The following SYNRG variants were observed in gnomAD, a reference collection of about 807,000 sequenced individuals.
SYNRG encodes the protein AP1 gamma subunit binding protein 1.
A neutral mutation model predicts 130.9 loss-of-function variants in SYNRG; 37 were observed. The observed-to-expected ratio is 0.28, with a 90% CI of 0.22 to 0.37. The LOEUF is 0.37. Ranked by LOEUF, SYNRG falls within the 10% of genes least tolerant of loss-of-function variation. SYNRG has a pLI of 1.00. For missense variants in SYNRG, 1,338 were observed against 1,588.9 expected, an observed-to-expected ratio of 0.84 and a Z score of 2.68; for synonymous variants, 539 against 568.1, an observed-to-expected ratio of 0.95 and a Z score of 0.73.
At chr17:37,520,048 G>T (rs1222415890) in intron 21 of SYNRG, 131 bp downstream of exon 21, 3 of 992,794 alleles carry the variant, frequency 3.0e-6, no homozygotes, top group South Asian at 1.4e-5. Flanking sequence ...AACATTATGG[G>T]AACAAAACTG....
At chr17:37,586,265 A>G (rs1329391437) in intron 4 of SYNRG, among the ~76,000 whole-genome samples, 154 bp downstream of exon 4, 1 of 152,228 alleles carries the variant, frequency 6.6e-6, no homozygotes, top group Non-Finnish European at 1.5e-5. Context: ...AAGTGCTGGG[A>G]TTATAGGCAT....
intron 19 of SYNRG, among the ~76,000 whole-genome samples, chr17:37,525,743 G>T (rs865997562): frequency 6.6e-6 from 1 of 151,580 alleles, no homozygotes; most frequent in Non-Finnish European, 1.5e-5. Context: ...CAAGGCGGGC[G>T]GATCACGAGG....
chr17:37,534,101 ATT>A (rs747899902), intron 19 of SYNRG, among the ~76,000 whole-genome samples: 3 of 137,638 alleles, frequency 2.2e-5, no homozygotes, highest in Non-Finnish European at 1.6e-5. Context: ...TGGCCAGCTA[ATT>A]TTTTTTTTTT....
intron 11 of SYNRG, chr17:37,566,783 A>G (rs1348183465): frequency 6.6e-6 from 1 of 152,254 alleles, no homozygotes; most frequent in Non-Finnish European, 1.5e-5. Flanking sequence ...ATCTACAAAC[A>G]GTTTTGCTCA....
chr17:37,606,494 A>G (rs1353649877), intron 1 of SYNRG, among the ~76,000 whole-genome samples: 1 of 152,210 alleles, frequency 6.6e-6, no homozygotes, highest in Non-Finnish European at 1.5e-5. Flanking sequence ...TTTACTTTGT[A>G]CCACAGTTAT....
intron 18 of SYNRG, among the ~76,000 whole-genome samples, chr17:37,538,086 A>G (rs1450740355): frequency 1.3e-5 from 2 of 152,262 alleles, no homozygotes. Flanking sequence ...TAACACAGAT[A>G]TAATTTTACA....
intron 13 of SYNRG, among the ~76,000 whole-genome samples, chr17:37,557,361 A>G (rs2059194782): frequency 6.6e-6 from 1 of 152,236 alleles, no homozygotes; most frequent in African/African-American, 2.4e-5. Flanking sequence ...ACACAATACT[A>G]TAAGATTCTT....
chr17:37,532,523 AC>A (rs574811353), intron 19 of SYNRG, among the ~76,000 whole-genome samples: 31 of 151,954 alleles, frequency 2.0e-4, no homozygotes, highest in Non-Finnish European at 4.1e-4. Flanking sequence ...AAATACAAAA[AC>A]TAGCTGGGCG....
rs753395640 is a variant in SYNRG at position 37,553,194 on chromosome 17, C to T, written c.2529G>A (p.Val843=). The T allele has an allele frequency of 6.2e-7, 1 of 1,614,014 alleles. No individual in the cohort carries two copies. The highest frequency in any genetic ancestry group is 8.5e-7 in the Non-Finnish European group (1 of 1,180,020). ...ACATGACATGCTTAAGATCTCCTCC[C>T]ACATCAGCCAATTTCATGTCAAACT... The part of the protein sequence containing the change: ...SVQFDMKLAD[V]GGDLKHVMSD... The change falls in exon 14 of 22, where the codon GTG becomes GTA. Residue 843 remains valine, a synonymous_variant. Coordinates refer to ENST00000612223, the MANE Select transcript of SYNRG (RefSeq NM_007247.6).
chr17:37,553,609 T>A lies in SYNRG; in HGVS notation c.2114A>T (p.Glu705Val). 6.2e-7 allele frequency: 1 copy of A among 1,614,038 alleles called. No homozygotes were observed. The highest frequency in any genetic ancestry group is 1.1e-5 in the South Asian group (1 of 91,058). Reference protein sequence around the residue: ...MAFSNSSISSEQKPDDKYDAL... With the variant: ...MAFSNSSISSVQKPDDKYDAL... ...ATCATATTTGTCATCCGGCTTTTGCTCAGATGAAATAGAGCTATTACTGAA... is the reference window on the plus strand; with the variant it reads ...ATCATATTTGTCATCCGGCTTTTGCACAGATGAAATAGAGCTATTACTGAA... The change falls in exon 14 of 22, where the codon GAG becomes GTG. Residue 705 changes from glutamate (E) to valine (V), a missense_variant. By Grantham distance (121) the Glu-to-Val change is moderately radical. Around this residue, in one of 3 missense-constraint regions of SYNRG, gnomAD observed 1,146 missense variants for 1,342.3 expected, o/e 0.85. Coordinates refer to ENST00000612223, the MANE Select transcript of SYNRG (RefSeq NM_007247.6).
intron 11 of SYNRG, among the ~76,000 whole-genome samples, chr17:37,565,437 C>T (rs903850742): frequency 4.9e-5 from 7 of 142,370 alleles, no homozygotes; most frequent in East Asian, 2.0e-4. Context: ...CCCAAAGTGC[C>T]GAGATTGCAG....
At chr17:37,590,015 A>T (rs1256569356) in intron 3 of SYNRG, among the ~76,000 whole-genome samples, 1 of 151,916 alleles carries the variant, frequency 6.6e-6, no homozygotes, top group Non-Finnish European at 1.5e-5. Flanking sequence ...TACTAAAAAT[A>T]CAAAAATTAG....
chr17:37,554,059 C>A lies in SYNRG; in HGVS notation c.1664G>T (p.Gly555Val). ...LEQTAENKPL[G>V]ESFAEFRSAG... ...AGATCTGAATTCTGCAAAGCTTTCTCCTGAAAGAAAAAATACCACCAAACA... is the reference window on the plus strand; with the variant it reads ...AGATCTGAATTCTGCAAAGCTTTCTACTGAAAGAAAAAATACCACCAAACA... Residue 555 changes from glycine to valine, a missense_variant and splice_region_variant, in exon 14 of 22, where the codon GGA (glycine) becomes GTA (valine). Around this residue, in one of 3 missense-constraint regions of SYNRG, gnomAD observed 1,146 missense variants for 1,342.3 expected, o/e 0.85. Transcript: ENST00000612223. 1 of 1,587,502 alleles carries A rather than the reference C, an allele frequency of 6.3e-7. No homozygotes were observed. Among genetic ancestry groups the A allele is most frequent in the Non-Finnish European group, 8.5e-7 (1 of 1,173,802 alleles).
intron 1 of SYNRG, 85 bp downstream of exon 1, chr17:37,609,194 G>A: frequency 1.5e-6 from 2 of 1,320,134 alleles, no homozygotes; most frequent in Non-Finnish European, 1.9e-6. Context: ...AAGGATCAGG[G>A]CTGGAGAAAA....
chr17:37,597,343 C>T (rs1013780537), intron 2 of SYNRG, among the ~76,000 whole-genome samples: 1 of 152,094 alleles, frequency 6.6e-6, no homozygotes, highest in Non-Finnish European at 1.5e-5. Flanking sequence ...GATTCCTGAC[C>T]GAGAGACACA....
intron 15 of SYNRG, chr17:37,541,053 T>G: frequency 1.0e-6 from 1 of 985,880 alleles, no homozygotes; most frequent in Non-Finnish European, 1.2e-6. Flanking sequence ...ACGGTTTCCC[T>G]GCGTTTCGTT....
intron 19 of SYNRG, among the ~76,000 whole-genome samples, chr17:37,529,130 T>C (rs972345973): frequency 2.0e-5 from 3 of 152,214 alleles, no homozygotes; most frequent in African/African-American, 7.2e-5. Context: ...AAAAGGATGC[T>C]TGGAATGGGA....
chr17:37,579,193 G>C, intron 6 of SYNRG: 1 of 1,225,222 alleles, frequency 8.2e-7, no homozygotes, highest in Non-Finnish European at 1.0e-6. Flanking sequence ...GCCCAGGGAC[G>C]CCATGTAAGG....
intron 6 of SYNRG, among the ~76,000 whole-genome samples, chr17:37,582,000 T>C (rs1191459879): frequency 6.6e-6 from 1 of 152,136 alleles, no homozygotes; most frequent in African/African-American, 2.4e-5. Context: ...CGACCTCAGG[T>C]GATCCACCCA....
Sources: gnomAD v4.1 joint callset for allele counts (sites outside exome capture counted in the v4.1 genomes callset) on GRCh38, gnomAD v4.1.1 for gene constraint, gnomAD v4.1.1 regional missense constraint, MANE v1.5 for transcripts, NCBI Gene and HGNC (gene_info 2026-07-23, HGNC 2026-07-21) for gene names.